The following ZNF614 variants were observed in gnomAD, a reference collection of about 807,000 sequenced individuals.
ZNF614 encodes zinc finger protein 614.
ZNF614 carries 11 observed loss-of-function variants against 12.8 expected under a neutral mutation model. That is an observed-to-expected ratio of 0.86 (90% CI 0.54 to 1.43). The LOEUF is 1.43. Ranked by LOEUF, ZNF614 falls within the 40% of genes most tolerant of loss-of-function variation. The pLI, the probability that ZNF614 is intolerant of heterozygous loss-of-function variation, is 0.00. For synonymous variants in ZNF614, 237 were observed against 237.5 expected, an observed-to-expected ratio of 1.00 and a Z score of 0.02; for missense variants, 664 against 708.8, an observed-to-expected ratio of 0.94 and a Z score of 0.72.
intron 2 of ZNF614, among the ~76,000 whole-genome samples, chr19:52,020,098 ATC>A (rs2086924503): frequency 6.6e-6 from 1 of 152,138 alleles, no homozygotes; most frequent in Non-Finnish European, 1.5e-5. Flanking sequence ...TCCTCTGATA[ATC>A]TCATTCTCTA....
chr19:52,024,354 C>T (rs894159604), intron 2 of ZNF614, among the ~76,000 whole-genome samples: 10 of 152,086 alleles, frequency 6.6e-5, no homozygotes, highest in African/African-American at 2.4e-4. Flanking sequence ...TGGGACTGAG[C>T]CCTCAACCTG....
In ZNF614 at chr19:52,013,688, G is replaced by A. The variant is rs1354245439; in HGVS notation, c.*2152C>T. On this transcript the variant is annotated 3_prime_UTR_variant, in exon 5 of 5. Transcript: ENST00000270649. ...ACTGATAGGAGAAAAGTGGTTGGCA[G>A]AGTTAGGTTTGGATGGAGTGTAAGC... The A allele has an allele frequency of 2.0e-5, 3 of 152,176 alleles. No homozygotes were observed. Among genetic ancestry groups the A allele is most frequent in the Non-Finnish European group, 4.4e-5 (3 of 68,040 alleles). The allele number at this position is 152,176 out of a possible 1,614,324, so 9.4% of individuals were successfully genotyped here.
At chr19:52,019,399 T>C (rs985777084) in intron 2 of ZNF614, among the ~76,000 whole-genome samples, 4 of 152,134 alleles carry the variant, frequency 2.6e-5, no homozygotes, top group Admixed American at 6.5e-5. Context: ...AGAGAAGCAA[T>C]ATCTATTAAT....
In ZNF614 at chr19:52,025,726, A is replaced by G. The variant is rs752354247; in HGVS notation, c.15+5T>C. 6.2e-7 allele frequency: 1 copy of G among 1,614,070 alleles called. No individual in the cohort carries two copies. Among genetic ancestry groups the G allele is most frequent in the South Asian group, 1.1e-5 (1 of 91,058 alleles). On this transcript the variant is annotated splice_donor_5th_base_variant and intron_variant, in intron 2 of 4. Transcript: ENST00000270649. ...TCTATCAAAAAATCAAAGGGAAAAT[A>G]TCACCTGGGTCTTGATCATTTTCTT...
In ZNF614 at chr19:52,016,865, G is replaced by A. The variant is rs767625586; in HGVS notation, c.733C>T (p.Leu245=). ...TTAGTTTTCAGATGCTTAGTGAACA[G>A]GACACTTCTGGATAATTTCTCACAT... is the stretch of plus-strand genomic sequence containing the variant. The part of the protein sequence containing the change: ...GQCEKLSRSV[L]FTKHLKTNTT... The change falls in exon 5 of 5, where the codon CTG becomes TTG. Residue 245 remains leucine, a synonymous_variant. Coordinates refer to ENST00000270649, the MANE Select transcript of ZNF614 (RefSeq NM_025040.4). 13 of 1,613,668 alleles carry A rather than the reference G, an allele frequency of 8.1e-6. No individual in the cohort carries two copies. The South Asian group carries it at 1.3e-4, about 16-fold the overall frequency.
chr19:52,023,039 A>T (rs910532198), intron 2 of ZNF614, among the ~76,000 whole-genome samples: 1 of 145,208 alleles, frequency 6.9e-6, no homozygotes, highest in African/African-American at 2.5e-5. Context: ...AGATCATGCC[A>T]GTGCCCGCCA....
At chr19:52,024,337 A>G (rs1003037057) in intron 2 of ZNF614, among the ~76,000 whole-genome samples, 4 of 152,194 alleles carry the variant, frequency 2.6e-5, no homozygotes, top group African/African-American at 7.2e-5. Flanking sequence ...TCAGGGGGGC[A>G]GTATTGTGGG....
At chr19:52,024,694 T>TA (rs34960261) in intron 2 of ZNF614, among the ~76,000 whole-genome samples, 11 of 152,246 alleles carry the variant, frequency 7.2e-5, no homozygotes, top group African/African-American at 2.6e-4. Context: ...TGTCCTTTGT[T>TA]AAAAAAGCAC....
At chr19:52,026,154 T>C (rs2086970652) in intron 1 of ZNF614, among the ~76,000 whole-genome samples, 193 bp from the exon 2 acceptor site, 1 of 152,234 alleles carries the variant, frequency 6.6e-6, no homozygotes, top group African/African-American at 2.4e-5. Context: ...GCATGACTAT[T>C]ATAGAGAAGG....
rs1187394996 is a variant in ZNF614, at chr19:52,016,537, A to G, written c.1061T>C (p.Met354Thr). 2 of 1,613,616 alleles carry G rather than the reference A, an allele frequency of 1.2e-6. No individual in the cohort carries two copies. Among genetic ancestry groups the G allele is most frequent in the African/African-American group, 2.7e-5 (2 of 74,888 alleles). ...ICSECGKGFT[M>T]KRYLVVHQRT... ...CTGATGTACAACAAGATAGCGCTTC[A>G]TGGTGAAGCCTTTTCCACATTCACT... is the stretch of plus-strand genomic sequence containing the variant. Residue 354 changes from methionine (M) to threonine (T), a missense_variant, in exon 5 of 5, where the codon ATG (methionine) becomes ACG (threonine). Coordinates refer to ENST00000270649, the MANE Select transcript of ZNF614 (RefSeq NM_025040.4).
chr19:52,026,200 A>T (rs2086970984), intron 1 of ZNF614, among the ~76,000 whole-genome samples: 1 of 152,224 alleles, frequency 6.6e-6, no homozygotes. Context: ...AATGCCTCAG[A>T]GGCAGGTGTC....
chr19:52,016,104 G>A lies in ZNF614; in HGVS notation c.1494C>T (p.Leu498=), dbSNP rs780697736. 6.8e-6 allele frequency: 11 copies of A among 1,614,140 alleles called. No homozygotes were observed. Among genetic ancestry groups the A allele is most frequent in the Non-Finnish European group, 9.3e-6 (11 of 1,180,032 alleles). Residue 498 remains leucine (L), a synonymous_variant, in exon 5 of 5, where the codon CTC becomes CTT. Coordinates refer to ENST00000270649, the MANE Select transcript of ZNF614 (RefSeq NM_025040.4). The part of the protein sequence containing the change: ...CGKSYSHKYG[L]ITHQRIHTGE... Reference sequence around the variant, plus strand: ...CTGTGTGAATTCTCTGATGGGTAATGAGGCCATATTTGTGTGAATAGGATT... The same window carrying A: ...CTGTGTGAATTCTCTGATGGGTAATAAGGCCATATTTGTGTGAATAGGATT...
At chr19:52,017,475 G>A (rs999029628) in intron 4 of ZNF614, 116 bp from the exon 5 acceptor site, 50 of 937,580 alleles carry the variant, frequency 5.3e-5, no homozygotes, top group Non-Finnish European at 6.5e-5. Flanking sequence ...AGGCTGAGGC[G>A]GGCAGATCAC....
Position 52,016,783 on chromosome 19 carries a change from C to A in ZNF614, c.815G>T (p.Ser272Ile). The change falls in exon 5 of 5, where the codon AGT (serine) becomes ATT (isoleucine). Residue 272 changes from serine to isoleucine, a missense_variant. By Grantham distance (142) the Ser-to-Ile change is moderately radical. Transcript: ENST00000270649. ...GGTTTGTTGATGTGTAATGAGACTA[C>A]TCTTCACAGTAGAGCCTTTTCTATA... ...NEYRKGSTVKSSLITHQQTHT... is the reference protein window; with the variant it reads ...NEYRKGSTVKISLITHQQTHT... 1.2e-6 allele frequency: 2 copies of A among 1,614,010 alleles called. No individual in the cohort carries two copies. Among genetic ancestry groups the A allele is most frequent in the South Asian group, 1.1e-5 (1 of 91,090 alleles).
chr19:52,014,877 TAAC>T lies in ZNF614; in HGVS notation c.*960_*962del, dbSNP rs1405187154. On this transcript the variant is annotated 3_prime_UTR_variant, in exon 5 of 5. Coordinates refer to ENST00000270649, the MANE Select transcript of ZNF614 (RefSeq NM_025040.4). ...GTAATTAAAAGGGCAGTGCTATGAA[TAAC>T]AACAACAGCAAAAACAAAACAAAAC... 7 of 152,288 alleles carry T rather than the reference TAAC, an allele frequency of 4.6e-5. No homozygotes were observed. The highest frequency in any genetic ancestry group is 8.8e-5 in the Non-Finnish European group (6 of 68,020). 9.4% of individuals were successfully genotyped at this position (152,288 alleles called of 1,614,324 possible).
intron 2 of ZNF614, among the ~76,000 whole-genome samples, chr19:52,021,358 AGT>A: frequency 7.1e-6 from 1 of 140,908 alleles, no homozygotes; most frequent in African/African-American, 2.7e-5. Flanking sequence ...AGCCACAGAA[AGT>A]GTGAGATTTT....
chr19:52,027,747 A>C (rs1014578656), intron 1 of ZNF614, among the ~76,000 whole-genome samples: 3 of 152,218 alleles, frequency 2.0e-5, no homozygotes, highest in African/African-American at 7.2e-5. Flanking sequence ...AAACAGAATG[A>C]GAGAGGATTA....
intron 2 of ZNF614, among the ~76,000 whole-genome samples, chr19:52,020,887 C>T (rs1297627682): frequency 6.6e-6 from 1 of 152,160 alleles, no homozygotes; most frequent in Non-Finnish European, 1.5e-5. Flanking sequence ...AAAACAAAGG[C>T]TAGCCAAATT....
Position 52,018,172 on chromosome 19 carries a change from TAC to T in ZNF614, c.143-71_143-70del, listed in dbSNP as rs930320069. 202 of 1,480,298 alleles carry T rather than the reference TAC, an allele frequency of 1.4e-4. No individual in the cohort carries two copies. In the African/African-American group the frequency reaches 2.6e-3, roughly 19 times the overall value. 91.7% of individuals were successfully genotyped at this position (1,480,298 alleles called of 1,614,324 possible). A position where few individuals can be genotyped will look rare whatever the true frequency, so the allele number is the denominator to read the frequency against. On this transcript the variant is annotated intron_variant, in intron 3 of 4. Coordinates refer to ENST00000270649, the MANE Select transcript of ZNF614 (RefSeq NM_025040.4). ...CCAGTATGTCAAGATGGAAAAATAA[TAC>T]ATTCGATGAAGAAAACAATTTCAAA... is the stretch of plus-strand genomic sequence containing the variant.
Sources: gnomAD v4.1 joint callset for allele counts (sites outside exome capture counted in the v4.1 genomes callset) on GRCh38, gnomAD v4.1.1 for gene constraint, MANE v1.5 for transcripts, NCBI Gene and HGNC (gene_info 2026-07-23, HGNC 2026-07-21) for gene names.